TCF4: variants seen among roughly 807,000 people sequenced by gnomAD.
The protein encoded by TCF4 is transcription factor 4.
In TCF4, 3 loss-of-function variants were observed where a neutral mutation model predicts 82.1. The ratio of observed to expected loss-of-function variants is 0.04; its 90% CI spans 0.02 to 0.09. TCF4 has a LOEUF of 0.09. Ranked by LOEUF, TCF4 falls within the 10% of genes least tolerant of loss-of-function variation. The probability of loss-of-function intolerance (pLI) is 1.00; values close to 1 mark genes in which losing one functional copy is unlikely to be tolerated. For missense variants in TCF4, 518 were observed against 852.7 expected, an observed-to-expected ratio of 0.61 and a Z score of 4.89; for synonymous variants, 276 against 309.6, an observed-to-expected ratio of 0.89 and a Z score of 1.14.
rs572742096 is a variant in TCF4, at chr18:55,296,151, G to C, written c.550-16495C>G. ...AACCAAAATAACTCCTCCTGAAATA[G>C]GAAAGATGAAATCTACTGCCTCTCT... On this transcript the variant is annotated intron_variant, in intron 8 of 19. Coordinates refer to ENST00000354452, the MANE Select transcript of TCF4 (RefSeq NM_001083962.2). 1.2e-4 allele frequency among the ~76,000 whole-genome samples: 18 copies of C among 151,544 alleles called. 1 individual carries two copies. In the South Asian group the frequency reaches 3.7e-3, roughly 32 times the overall value.
chr18:55,373,596 T>C (rs1228712305), intron 6 of TCF4, among the ~76,000 whole-genome samples: 3 of 152,008 alleles, frequency 2.0e-5, no homozygotes, highest in Non-Finnish European at 2.9e-5. Flanking sequence ...GAAGATCAGT[T>C]GAGGTCAGGA....
chr18:55,557,044 C>G (rs1315002005), intron 3 of TCF4, among the ~76,000 whole-genome samples: 1 of 152,238 alleles, frequency 6.6e-6, no homozygotes, highest in East Asian at 1.9e-4. Context: ...TTTGCTATAC[C>G]CATCTCCTAA....
At chr18:55,490,005 T>A (rs1240644067) in intron 3 of TCF4, among the ~76,000 whole-genome samples, 2 of 152,234 alleles carry the variant, frequency 1.3e-5, no homozygotes, top group East Asian at 3.8e-4. Flanking sequence ...ATGCGGATAC[T>A]TTTTTAATGA....
chr18:55,254,621 G>T lies in TCF4; in HGVS notation c.1226C>A (p.Thr409Lys). 1 of 1,613,624 alleles carries T rather than the reference G, an allele frequency of 6.2e-7. No homozygotes were observed. The highest frequency in any genetic ancestry group is 8.5e-7 in the Non-Finnish European group (1 of 1,179,854). Residue 409 changes from threonine (T) to lysine (K), a missense_variant, in exon 15 of 20, where the codon ACA (threonine) becomes AAA (lysine). Coordinates refer to ENST00000354452, the MANE Select transcript of TCF4 (RefSeq NM_001083962.2). The part of the protein sequence containing the change: ...VLRNHAVGPS[T>K]AMPGGHGDMH... ...GTCCCCATGACCACCAGGCATAGCTGTGGATGGGCCCACTGCATGGTTCCG... is the reference window on the plus strand; with the variant it reads ...GTCCCCATGACCACCAGGCATAGCTTTGGATGGGCCCACTGCATGGTTCCG...
intron 6 of TCF4, among the ~76,000 whole-genome samples, chr18:55,362,107 T>C (rs1211233436): frequency 1.3e-5 from 2 of 152,068 alleles, no homozygotes; most frequent in African/African-American, 2.4e-5. Context: ...TCTTCTCCTG[T>C]CTTATCTCCA....
At chr18:55,516,133 G>C (rs1331804558) in intron 3 of TCF4, among the ~76,000 whole-genome samples, 1 of 152,108 alleles carries the variant, frequency 6.6e-6, no homozygotes, top group African/African-American at 2.4e-5. Flanking sequence ...GACTTACGGA[G>C]ACAGGGCTGT....
At chr18:55,496,496 C>T (rs1453454198) in intron 3 of TCF4, 2 of 151,594 alleles carry the variant, frequency 1.3e-5, no homozygotes, top group African/African-American at 4.8e-5. Context: ...TGCAGAAATG[C>T]ATGAACAGTT....
rs2046737800 is a variant in TCF4, at chr18:55,227,421, A to G, written c.*614T>C. The G allele has an allele frequency of 1.3e-5, 2 of 150,842 alleles. No individual in the cohort carries two copies. Among genetic ancestry groups the G allele is most frequent in the South Asian group, 4.2e-4 (2 of 4,802 alleles). The allele number at this position is 150,842 out of a possible 1,614,324, so 9.3% of individuals were successfully genotyped here. On this transcript the variant is annotated 3_prime_UTR_variant, in exon 20 of 20. Coordinates refer to ENST00000354452, the MANE Select transcript of TCF4 (RefSeq NM_001083962.2). ...TTATATATATATTTGTCATAGGTCT[A>G]TAAGATCCATCTGTTCCTCCTACCC...
intron 2 of TCF4, among the ~76,000 whole-genome samples, chr18:55,597,050 GCT>G (rs1178667817): frequency 6.6e-6 from 1 of 151,728 alleles, no homozygotes; most frequent in Non-Finnish European, 1.5e-5. Context: ...CTTCCCCTTC[GCT>G]CTCTCTCTCC....
At chr18:55,622,379 T>C (rs963299456) in intron 2 of TCF4, among the ~76,000 whole-genome samples, 2 of 151,528 alleles carry the variant, frequency 1.3e-5, no homozygotes, top group East Asian at 3.9e-4. Context: ...TGGTGGTGTA[T>C]GCCCGTGGTC....
chr18:55,264,931 C>T (rs372205885), intron 11 of TCF4: 4 of 152,154 alleles, frequency 2.6e-5, no homozygotes, highest in East Asian at 3.9e-4. Flanking sequence ...TCGACACTGC[C>T]TGCCACCCAA....
intron 5 of TCF4, among the ~76,000 whole-genome samples, chr18:55,430,550 A>G (rs1210201563): frequency 2.6e-5 from 4 of 152,210 alleles, no homozygotes; most frequent in Non-Finnish European, 5.9e-5. Flanking sequence ...GCAGCTACTG[A>G]GCAATGACAT....
chr18:55,515,834 T>C (rs1035469783), intron 3 of TCF4, among the ~76,000 whole-genome samples: 2 of 152,162 alleles, frequency 1.3e-5, no homozygotes, highest in African/African-American at 4.8e-5. Flanking sequence ...TTTAAATTCA[T>C]CTTTAAATTT....
intron 15 of TCF4, among the ~76,000 whole-genome samples, chr18:55,239,005 C>T (rs1310315666): frequency 6.6e-6 from 1 of 152,192 alleles, no homozygotes; most frequent in Non-Finnish European, 1.5e-5. Flanking sequence ...GCGGCTTGGC[C>T]TGTCCCGTCC....
chr18:55,275,997 A>G (rs2061439927), intron 9 of TCF4, among the ~76,000 whole-genome samples: 1 of 152,190 alleles, frequency 6.6e-6, no homozygotes, highest in Non-Finnish European at 1.5e-5. Flanking sequence ...ACAACAGAGT[A>G]TATTTCTACC....
chr18:55,322,121 T>G, intron 8 of TCF4: 1 of 1,018,994 alleles, frequency 9.8e-7, no homozygotes, highest in African/African-American at 1.7e-5. Context: ...TTTTTTTTTT[T>G]TGTTTTGTTT....
intron 3 of TCF4, among the ~76,000 whole-genome samples, chr18:55,502,907 G>A (rs1402739089): frequency 6.6e-6 from 1 of 152,116 alleles, no homozygotes; most frequent in Non-Finnish European, 1.5e-5. Flanking sequence ...ACTTAAAGTA[G>A]GTATCCTGAG....
At chr18:55,279,415 C>T in intron 9 of TCF4, 136 bp downstream of exon 9, 1 of 1,323,144 alleles carries the variant, frequency 7.6e-7, no homozygotes. Context: ...TTAAGGAATT[C>T]AATTCCTAAG....
At chr18:55,602,059 C>T (rs1382192437) in intron 2 of TCF4, among the ~76,000 whole-genome samples, 1 of 152,126 alleles carries the variant, frequency 6.6e-6, no homozygotes, top group Non-Finnish European at 1.5e-5. Context: ...ATAGGTTTGC[C>T]GGATTCACGT....
Sources: allele counts gnomAD v4.1 joint callset (sites outside exome capture counted in the v4.1 genomes callset), GRCh38; gene constraint gnomAD v4.1.1; transcripts MANE v1.5; gene names NCBI Gene and HGNC (gene_info 2026-07-23, HGNC 2026-07-21).